Variants in CNTN5 observed in about 807,000 individuals in gnomAD.
CNTN5 encodes the protein contactin-5.
Under a neutral mutation model 129.1 loss-of-function variants are expected in CNTN5, and 77 were observed. The ratio of observed to expected loss-of-function variants is 0.60; its 90% confidence interval spans 0.50 to 0.72. The LOEUF (loss-of-function observed/expected upper bound fraction) is 0.72, where lower values mean the gene tolerates loss of function less well. Ranked by LOEUF, CNTN5 falls within the 30% of genes least tolerant of loss-of-function variation. CNTN5 has a pLI of 0.00. For missense variants in CNTN5, 1,478 were observed against 1,328.8 expected, an observed-to-expected ratio of 1.11 and a Z score of -1.75; for synonymous variants, 509 against 465.6, an observed-to-expected ratio of 1.09 and a Z score of -1.20.
intron 3 of CNTN5, among the ~76,000 whole-genome samples, chr11:99,638,508 G>A (rs1160167132): frequency 6.6e-6 from 1 of 152,088 alleles, no homozygotes; most frequent in African/African-American, 2.4e-5. Flanking sequence ...TCTCATCTGA[G>A]TCAAGTCTCA....
At chr11:99,356,188 AC>A (rs11304657) in intron 2 of CNTN5, among the ~76,000 whole-genome samples, 42,086 of 146,716 alleles carry the variant, frequency 0.29, 6,051 homozygotes, top group African/African-American at 0.39. Context: ...TGCCTTAACC[AC>A]CCCCCCCCAA....
chr11:100,063,380 G>GAA (rs199747199), intron 10 of CNTN5, among the ~76,000 whole-genome samples: 70 of 142,060 alleles, frequency 4.9e-4, no homozygotes, highest in African/African-American at 1.8e-3. Context: ...ACTTTGAATA[G>GAA]AAAAAAAAAA....
intron 2 of CNTN5, among the ~76,000 whole-genome samples, chr11:99,455,565 G>A (rs1279388983): frequency 6.6e-6 from 1 of 152,052 alleles, no homozygotes; most frequent in Admixed American, 6.6e-5. Context: ...TAAGAGGAAA[G>A]TTGTGGTCAA....
rs1449699530 is a variant in CNTN5, at chr11:99,205,837, T to A, written c.-209-119509T>A. 2.6e-5 allele frequency among the ~76,000 whole-genome samples: 4 copies of A among 151,540 alleles called. No individual in the cohort carries two copies. In the South Asian group the frequency reaches 6.2e-4, roughly 24 times the overall value. The stretch of plus-strand genomic sequence containing the variant: ...GTACATCAATAAAGCTGAAAAAAAA[T>A]AAAAAGAAAAGGCTCATTGGAGGAT... On this transcript the variant is annotated intron_variant, in intron 1 of 24. Coordinates refer to ENST00000524871, the MANE Select transcript of CNTN5 (RefSeq NM_014361.4).
chr11:99,309,871 A>G (rs1336942952), intron 1 of CNTN5, among the ~76,000 whole-genome samples: 2 of 152,194 alleles, frequency 1.3e-5, no homozygotes. Context: ...GTACTGCGTG[A>G]AAGGCAAACA....
At chr11:99,334,234 A>C (rs985433075) in intron 2 of CNTN5, among the ~76,000 whole-genome samples, 1 of 152,070 alleles carries the variant, frequency 6.6e-6, no homozygotes, top group Non-Finnish European at 1.5e-5. Flanking sequence ...GTAAAAATAG[A>C]ATGTGAGAAG....
At chr11:99,734,610 TA>T (rs1943640170) in intron 3 of CNTN5, among the ~76,000 whole-genome samples, 1 of 152,192 alleles carries the variant, frequency 6.6e-6, no homozygotes, top group Non-Finnish European at 1.5e-5. Context: ...AACAGACTTC[TA>T]AAAGGCATTG....
chr11:99,684,054 A>C (rs1375003843), intron 3 of CNTN5, among the ~76,000 whole-genome samples: 2 of 151,674 alleles, frequency 1.3e-5, no homozygotes, highest in African/African-American at 4.8e-5. Context: ...TTAACTTCTC[A>C]TAAGTGAAAT....
chr11:99,087,916 G>A (rs1268859085), intron 1 of CNTN5, among the ~76,000 whole-genome samples: 1 of 152,130 alleles, frequency 6.6e-6, no homozygotes, highest in African/African-American at 2.4e-5. Context: ...GAGTCCCATG[G>A]TCAGAAGGGC....
At chr11:99,909,388 T>C (rs1009891249) in intron 6 of CNTN5, among the ~76,000 whole-genome samples, 3 of 152,186 alleles carry the variant, frequency 2.0e-5, no homozygotes, top group African/African-American at 7.2e-5. Flanking sequence ...TCAACCATTG[T>C]GGAAGTCAGT....
intron 1 of CNTN5, among the ~76,000 whole-genome samples, chr11:99,220,914 G>A (rs1860367388): frequency 6.6e-6 from 1 of 151,750 alleles, no homozygotes; most frequent in African/African-American, 2.4e-5. Context: ...CTACTAAGTG[G>A]GTTGTCCAAT....
chr11:99,383,576 A>G (rs1391913420), intron 2 of CNTN5, among the ~76,000 whole-genome samples: 3 of 149,444 alleles, frequency 2.0e-5, no homozygotes, highest in African/African-American at 7.4e-5. Context: ...TAGTTTTCAT[A>G]TATTTAGGTT....
chr11:99,414,924 T>G (rs1443703033), intron 2 of CNTN5, among the ~76,000 whole-genome samples: 1 of 152,206 alleles, frequency 6.6e-6, no homozygotes, highest in Non-Finnish European at 1.5e-5. Context: ...TCTGTGCTTT[T>G]TAGTTGCCTT....
At chr11:99,207,728 G>A (rs1027715358) in intron 1 of CNTN5, among the ~76,000 whole-genome samples, 2 of 152,128 alleles carry the variant, frequency 1.3e-5, no homozygotes, top group Non-Finnish European at 2.9e-5. Context: ...TTTTTGATAA[G>A]AGAACTTACT....
intron 4 of CNTN5, among the ~76,000 whole-genome samples, chr11:99,820,598 A>G (rs1195394252): frequency 6.1e-5 from 1 of 16,330 alleles, no homozygotes; most frequent in Non-Finnish European, 2.0e-4. Flanking sequence ...GATGAACGGC[A>G]CCTGTTATTA....
intron 1 of CNTN5, among the ~76,000 whole-genome samples, chr11:99,060,504 C>T (rs1864830263): frequency 1.3e-5 from 2 of 151,932 alleles, no homozygotes. Flanking sequence ...TAATAATTAA[C>T]TAGCTTATTA....
At chr11:100,329,592 C>T (rs1197358909) in intron 21 of CNTN5, among the ~76,000 whole-genome samples, 1 of 152,180 alleles carries the variant, frequency 6.6e-6, no homozygotes, top group Non-Finnish European at 1.5e-5. Context: ...CAACTAACAC[C>T]ACTGGAGCAG....
At chr11:99,412,433 G>A (rs1454207606) in intron 2 of CNTN5, among the ~76,000 whole-genome samples, 2 of 151,994 alleles carry the variant, frequency 1.3e-5, no homozygotes, top group East Asian at 3.9e-4. Flanking sequence ...TAGCTAATTG[G>A]GAAGGCTGTT....
chr11:99,155,211 C>T (rs956967758), intron 1 of CNTN5, among the ~76,000 whole-genome samples: 2 of 152,296 alleles, frequency 1.3e-5, no homozygotes, highest in Middle Eastern at 6.8e-3. Flanking sequence ...TTCCGCCCAG[C>T]ATCTGTGTCC....
Sources: gnomAD v4.1 joint callset for allele counts (sites outside exome capture counted in the v4.1 genomes callset) on GRCh38, gnomAD v4.1.1 for gene constraint, MANE v1.5 for transcripts, NCBI Gene and HGNC (gene_info 2026-07-23, HGNC 2026-07-21) for gene names.